RCOR1: variants seen among roughly 807,000 people sequenced by gnomAD.
The protein encoded by RCOR1 is REST corepressor.
Under a neutral mutation model 64.0 loss-of-function variants are expected in RCOR1, and 12 were observed. The observed-to-expected ratio is 0.19, with a 90% confidence interval of 0.12 to 0.30. The LOEUF is 0.30. Ranked by LOEUF, RCOR1 falls within the 10% of genes least tolerant of loss-of-function variation. The pLI is 1.00. For missense variants in RCOR1, 502 were observed against 621.2 expected, an observed-to-expected ratio of 0.81 and a Z score of 2.04; for synonymous variants, 279 against 227.2, an observed-to-expected ratio of 1.23 and a Z score of -2.05.
chr14:102,621,394 GAGA>G (rs1893871070), intron 2 of RCOR1, among the ~76,000 whole-genome samples: 1 of 41,558 alleles, frequency 2.4e-5, no homozygotes, highest in African/African-American at 1.1e-4. Flanking sequence ...TTTTTTTTTT[GAGA>G]AAAGGTCTTG....
At chr14:102,677,821 T>C (rs1895218729) in intron 2 of RCOR1, among the ~76,000 whole-genome samples, 1 of 150,658 alleles carries the variant, frequency 6.6e-6, no homozygotes, top group African/African-American at 2.4e-5. Flanking sequence ...GAGGCTGCAA[T>C]CTCGGCACTT....
chr14:102,639,247 CTTTG>C, intron 2 of RCOR1, among the ~76,000 whole-genome samples: 1 of 143,200 alleles, frequency 7.0e-6, no homozygotes, highest in Admixed American at 7.4e-5. Flanking sequence ...ACCAACTACT[CTTTG>C]TTTTCTTTCT....
chr14:102,694,341 C>T (rs150224541), intron 3 of RCOR1, among the ~76,000 whole-genome samples: 1,886 of 152,306 alleles, frequency 0.012, 40 homozygotes, highest in African/African-American at 0.043. Flanking sequence ...ACTGCAACCT[C>T]CGCCTCCTGG....
At chr14:102,603,778 G>A (rs567553125) in intron 2 of RCOR1, among the ~76,000 whole-genome samples, 3 of 151,954 alleles carry the variant, frequency 2.0e-5, no homozygotes, top group East Asian at 3.9e-4. Context: ...GTGCCACCAC[G>A]CCTGGCTAAT....
intron 7 of RCOR1, among the ~76,000 whole-genome samples, chr14:102,712,182 T>C (rs1240859218): frequency 6.6e-6 from 1 of 151,650 alleles, no homozygotes; most frequent in African/African-American, 2.4e-5. Flanking sequence ...TTGATTTTAT[T>C]TTTTTTTATT....
chr14:102,658,547 G>GT, intron 2 of RCOR1: 1 of 985,360 alleles, frequency 1.0e-6, no homozygotes, highest in Non-Finnish European at 1.2e-6. Context: ...TTTTTAGAAT[G>GT]TGACTCTTTT....
chr14:102,675,081 A>G (rs1487730103), intron 2 of RCOR1, among the ~76,000 whole-genome samples: 3 of 150,736 alleles, frequency 2.0e-5, no homozygotes, highest in Admixed American at 6.6e-5. Flanking sequence ...AGTCAACTTT[A>G]AACAAAGAGA....
chr14:102,606,934 G>GTT (rs11464849), intron 2 of RCOR1, among the ~76,000 whole-genome samples: 11,140 of 111,926 alleles, frequency 0.1, 752 homozygotes, highest in Middle Eastern at 0.12. Flanking sequence ...TTTTGTGTTA[G>GTT]TTTTTTTTTT....
At chr14:102,709,367 GGTGGTGAGATATATAGGTGGGTT>G (rs1240490438) in intron 6 of RCOR1, among the ~76,000 whole-genome samples, 1 of 152,044 alleles carries the variant, frequency 6.6e-6, no homozygotes, top group Non-Finnish European at 1.5e-5. Flanking sequence ...TCCTTGTTAG[GGTGGTGAGATATATAGGTGGGTT>G]TTAAAAAATC....
intron 2 of RCOR1, among the ~76,000 whole-genome samples, chr14:102,640,056 G>T (rs1894335089): frequency 6.6e-6 from 1 of 152,194 alleles, no homozygotes; most frequent in Admixed American, 6.5e-5. Context: ...TGTTAGTCAG[G>T]CTGGTCTTGA....
intron 2 of RCOR1, among the ~76,000 whole-genome samples, chr14:102,673,796 G>A (rs1895082841): frequency 6.6e-6 from 1 of 151,784 alleles, no homozygotes; most frequent in Non-Finnish European, 1.5e-5. Context: ...TGTGTTTTTA[G>A]TAGAGACAGG....
chr14:102,714,819 T>G (rs376358340), intron 8 of RCOR1, among the ~76,000 whole-genome samples: 19 of 152,340 alleles, frequency 1.2e-4, no homozygotes, highest in African/African-American at 4.3e-4. Context: ...TATAGTGTGA[T>G]CTGAAAGTAT....
At chr14:102,703,456 G>T (rs1895787827) in intron 4 of RCOR1, among the ~76,000 whole-genome samples, 1 of 152,200 alleles carries the variant, frequency 6.6e-6, no homozygotes, top group Non-Finnish European at 1.5e-5. Flanking sequence ...ATAGCAGCAA[G>T]AGAGAACTAA....
chr14:102,715,297 T>A (rs760883473), intron 8 of RCOR1, among the ~76,000 whole-genome samples: 1 of 150,532 alleles, frequency 6.6e-6, no homozygotes, highest in Non-Finnish European at 1.5e-5. Flanking sequence ...GGTCTCGATC[T>A]CCTGATCTCA....
At chr14:102,719,804 C>T (rs985601965) in intron 8 of RCOR1, among the ~76,000 whole-genome samples, 3 of 152,160 alleles carry the variant, frequency 2.0e-5, no homozygotes, top group Non-Finnish European at 4.4e-5. Context: ...GAACAACCAG[C>T]TAGAGTGACA....
chr14:102,612,757 G>A (rs1567407553), intron 2 of RCOR1, among the ~76,000 whole-genome samples: 1 of 151,822 alleles, frequency 6.6e-6, no homozygotes, highest in Non-Finnish European at 1.5e-5. Flanking sequence ...GGGAGACTGA[G>A]GTAGGAGGAT....
At chr14:102,679,302 A>T (rs934400203) in intron 2 of RCOR1, among the ~76,000 whole-genome samples, 3 of 152,098 alleles carry the variant, frequency 2.0e-5, no homozygotes, top group African/African-American at 7.2e-5. Context: ...ATGGATCCAA[A>T]TTTTTTTAAA....
Position 102,714,494 on chromosome 14 carries a change from A to G in RCOR1, c.930A>G (p.Lys310=). 6.2e-7 allele frequency: 1 copy of G among 1,614,052 alleles called. No individual in the cohort carries two copies. The highest frequency in any genetic ancestry group is 8.5e-7 in the Non-Finnish European group (1 of 1,179,910). Residue 310 remains lysine (K), a synonymous_variant, in exon 8 of 12, where the codon AAA becomes AAG. Transcript: ENST00000262241. ...KHSTQAKNRA[K]RKPPKGMFLS... is the part of the protein sequence containing the mutation. ...GCACACAAGCTAAAAATAGAGCAAA[A>G]AGGAAACCTCCAAAAGGAATGTTTC...
intron 2 of RCOR1, among the ~76,000 whole-genome samples, chr14:102,677,485 G>A (rs1378120587): frequency 4.5e-5 from 6 of 133,026 alleles, no homozygotes; most frequent in East Asian, 2.3e-4. Flanking sequence ...CTTCTCAGAC[G>A]GGGCGGCCGG....
Sources: allele counts gnomAD v4.1 joint callset (sites outside exome capture counted in the v4.1 genomes callset), GRCh38; gene constraint gnomAD v4.1.1; transcripts MANE v1.5; gene names NCBI Gene and HGNC (gene_info 2026-07-23, HGNC 2026-07-21).